APC: variants seen among roughly 807,000 people sequenced by gnomAD.
The protein encoded by APC is APC regulator of Wnt signaling pathway.
A neutral mutation model predicts 247.0 loss-of-function variants in APC; 72 were observed. The observed-to-expected ratio is 0.29, with a 90% confidence interval of 0.24 to 0.35. The LOEUF is 0.35. Ranked by LOEUF, APC falls within the 10% of genes least tolerant of loss-of-function variation. APC has a pLI of 1.00. For synonymous variants in APC, 1,254 were observed against 1,162.5 expected, an observed-to-expected ratio of 1.08 and a Z score of -1.60; for missense variants, 3,400 against 3,360.7, an observed-to-expected ratio of 1.01 and a Z score of -0.29.
chr5:112,783,655 T>C, intron 6 of APC: 1 of 145,046 alleles, frequency 6.9e-6, no homozygotes, highest in South Asian at 1.4e-4. Flanking sequence ...AAAAGCTGAG[T>C]ATGATGGTGC....
chr5:112,810,231 C>G, intron 8 of APC: 1 of 445,246 alleles, frequency 2.2e-6, no homozygotes, highest in Non-Finnish European at 4.5e-6. Flanking sequence ...GGATCCAGAG[C>G]ACATCTAAAG....
At chr5:112,764,192 G>T (rs1031568711) in intron 2 of APC, among the ~76,000 whole-genome samples, 6 of 150,192 alleles carry the variant, frequency 4.0e-5, no homozygotes, top group Middle Eastern at 3.5e-3. Flanking sequence ...CTTTCAGTGA[G>T]CCGAGATTGC....
chr5:112,763,396 C>T (rs73218104), intron 2 of APC, among the ~76,000 whole-genome samples: 268 of 151,380 alleles, frequency 1.8e-3, no homozygotes, highest in African/African-American at 6.3e-3. Context: ...TGTCATCTTA[C>T]GTCAGATTAT....
At chr5:112,798,519 C>T (rs1393259948) in intron 7 of APC, among the ~76,000 whole-genome samples, 1 of 152,082 alleles carries the variant, frequency 6.6e-6, no homozygotes, top group East Asian at 1.9e-4. Context: ...TAATTGAACA[C>T]TTAAAATGGA....
chr5:112,787,209 A>G (rs1436846446), intron 6 of APC, among the ~76,000 whole-genome samples: 3 of 152,186 alleles, frequency 2.0e-5, no homozygotes, highest in African/African-American at 7.2e-5. Context: ...TTTTAACAAG[A>G]AAGCAACCAT....
At chr5:112,834,474 A>T (rs1764651867) in intron 14 of APC, among the ~76,000 whole-genome samples, 1 of 150,444 alleles carries the variant, frequency 6.6e-6, no homozygotes, top group African/African-American at 2.5e-5. Flanking sequence ...TGAACTCCTG[A>T]CCTCAGATGA....
intron 1 of APC, among the ~76,000 whole-genome samples, chr5:112,726,230 TACCC>T (rs1346861578): frequency 2.6e-5 from 4 of 152,332 alleles, no homozygotes; most frequent in African/African-American, 7.2e-5. Flanking sequence ...ACCCTCCTGG[TACCC>T]AGGTCCTTGT....
intron 5 of APC, chr5:112,778,581 C>G (rs1230221753): frequency 4.8e-5 from 7 of 144,610 alleles, no homozygotes; most frequent in African/African-American, 1.3e-4. Flanking sequence ...GAGTCTCGCT[C>G]TGTCGCCCAG....
chr5:112,843,957 C>G lies in APC; in HGVS notation c.8363C>G (p.Pro2788Arg), dbSNP rs2150004025. 1 of 1,607,146 alleles carries G rather than the reference C, an allele frequency of 6.2e-7. No individual in the cohort carries two copies. Among genetic ancestry groups the G allele is most frequent in the Non-Finnish European group, 8.5e-7 (1 of 1,176,354 alleles). Residue 2788 changes from proline (P) to arginine (R), a missense_variant, in exon 16 of 16, where the codon CCA becomes CGA. Pro to Arg is a moderately radical substitution (Grantham distance 103, BLOSUM62 -2). Transcript: ENST00000257430. The surrounding 1 kb of genome is among the most constrained non-coding windows in gnomAD (Gnocchi z 4.8). Reference sequence around the variant, plus strand: ...AGAGTGACTCCTTTTAATTACAACCCAAGCCCTAGGAAAAGCAGCGCAGAT... The same window carrying G: ...AGAGTGACTCCTTTTAATTACAACCGAAGCCCTAGGAAAAGCAGCGCAGAT... ...AARVTPFNYN[P>R]SPRKSSADST...
intron 1 of APC, among the ~76,000 whole-genome samples, chr5:112,729,042 G>A (rs549920198): frequency 3.3e-5 from 5 of 152,162 alleles, no homozygotes; most frequent in Admixed American, 1.3e-4. Context: ...AGCTGGAAAC[G>A]ATCTAATCTC....
chr5:112,806,060 G>A (rs191196835), intron 8 of APC, among the ~76,000 whole-genome samples: 1 of 152,190 alleles, frequency 6.6e-6, no homozygotes, highest in East Asian at 1.9e-4. Flanking sequence ...TCCTACCACA[G>A]CCTGTGCACA....
At chr5:112,772,875 C>T (rs1456238743) in intron 4 of APC, among the ~76,000 whole-genome samples, 1 of 152,226 alleles carries the variant, frequency 6.6e-6, no homozygotes, top group Non-Finnish European at 1.5e-5. Flanking sequence ...AGTAGCATCA[C>T]CATCTATTTT....
chr5:112,818,920 G>A (rs2149778096), intron 9 of APC, 46 bp from the exon 10 acceptor site: 1 of 1,536,120 alleles, frequency 6.5e-7, no homozygotes. Context: ...TTTGGCTTTT[G>A]GATATTAAAG....
intron 1 of APC, among the ~76,000 whole-genome samples, chr5:112,741,197 T>G (rs114140821): frequency 6.6e-6 from 1 of 152,298 alleles, no homozygotes; most frequent in Non-Finnish European, 1.5e-5. Flanking sequence ...GGTAGAATTA[T>G]GTGAAATTTC....
chr5:112,750,677 A>G (rs1051024731), intron 1 of APC, among the ~76,000 whole-genome samples: 5 of 152,184 alleles, frequency 3.3e-5, no homozygotes, highest in African/African-American at 1.2e-4. Flanking sequence ...CTAGTCTAGT[A>G]ACGGACATCA....
At chr5:112,739,449 G>A (rs748350076) in intron 1 of APC, among the ~76,000 whole-genome samples, 4 of 152,202 alleles carry the variant, frequency 2.6e-5, no homozygotes, top group Non-Finnish European at 5.9e-5. Context: ...AGATAATGCG[G>A]AATTGGGCTG....
chr5:112,708,573 G>A (rs1352314479), intron 1 of APC, among the ~76,000 whole-genome samples: 2 of 152,172 alleles, frequency 1.3e-5, no homozygotes, highest in African/African-American at 4.8e-5. Flanking sequence ...TAAAAAAGAA[G>A]ACCTTATGCA....
chr5:112,731,150 ATTG>A (rs1422798519), intron 1 of APC, among the ~76,000 whole-genome samples: 1 of 151,836 alleles, frequency 6.6e-6, no homozygotes, highest in Admixed American at 6.6e-5. Context: ...GTTGTTAGTA[ATTG>A]TTGAGGTTTT....
At chr5:112,817,914 C>G (rs1476772958) in intron 9 of APC, among the ~76,000 whole-genome samples, 1 of 152,304 alleles carries the variant, frequency 6.6e-6, no homozygotes, top group Admixed American at 6.5e-5. Context: ...ATCCGCAGTC[C>G]TATACTGCCT....
Sources: gnomAD v4.1 joint callset for allele counts (sites outside exome capture counted in the v4.1 genomes callset) on GRCh38, gnomAD v4.1.1 for gene constraint, Gnocchi (gnomAD v3.1) non-coding constraint, MANE v1.5 for transcripts, NCBI Gene and HGNC (gene_info 2026-07-23, HGNC 2026-07-21) for gene names.